Variants in PHEX observed in about 807,000 individuals in gnomAD.
PHEX encodes the protein phosphate regulating endopeptidase X-linked.
A neutral mutation model predicts 68.0 loss-of-function variants in PHEX; 16 were observed. That is an observed-to-expected ratio of 0.24 (90% CI 0.16 to 0.36). The LOEUF (loss-of-function observed/expected upper bound fraction) is 0.36. Among genes scored for constraint, PHEX ranks in the 10% least tolerant of loss-of-function variants. The pLI, the probability that PHEX is intolerant of heterozygous loss-of-function variation, is 1.00. For synonymous variants in PHEX, 208 were observed against 205.1 expected (o/e 1.01, Z -0.12); for missense variants, 480 against 575.5 (o/e 0.83, Z 1.70).
chrX:22,216,089 T>C (rs984609101), intron 16 of PHEX, among the ~76,000 whole-genome samples: 1 of 111,630 alleles, frequency 9.0e-6, no homozygotes, highest in Admixed American at 9.5e-5. Flanking sequence ...GAGCTCTTGG[T>C]CATTGGAAAT....
intron 16 of PHEX, among the ~76,000 whole-genome samples, chrX:22,218,177 G>A (rs1935152890): frequency 9.0e-6 from 1 of 110,945 alleles, no homozygotes; most frequent in South Asian, 3.9e-4. Flanking sequence ...ATTCCCTCTA[G>A]CTGTGTAGTT....
At chrX:22,152,711 G>A (rs1459418327) in intron 12 of PHEX, among the ~76,000 whole-genome samples, 1 of 111,759 alleles carries the variant, frequency 8.9e-6, no homozygotes, top group Non-Finnish European at 1.9e-5. Context: ...TCAGGATAGC[G>A]GTTCTTTTGA....
intron 3 of PHEX, among the ~76,000 whole-genome samples, chrX:22,055,174 CAAAAAAAAAA>C (rs111628195): frequency 1.1e-4 from 7 of 66,089 alleles, no homozygotes; most frequent in East Asian, 5.2e-4. Context: ...GACTCCAGCT[CAAAAAAAAAA>C]AAAAAAAAAA....
chrX:22,245,714 C>T (rs949059533), intron 21 of PHEX, among the ~76,000 whole-genome samples: 10 of 111,701 alleles, frequency 9.0e-5, no homozygotes, highest in East Asian at 5.6e-4. Flanking sequence ...AGAGGTAATT[C>T]GGAATCCGAA....
At chrX:22,102,428 C>A (rs112948288) in intron 9 of PHEX, among the ~76,000 whole-genome samples, 7,054 of 111,997 alleles carry the variant, frequency 0.063, 338 homozygotes, top group African/African-American at 0.16. Flanking sequence ...GCTGAATGGT[C>A]CTCCGTTGTG....
At chrX:22,112,378 C>T (rs1199212374) in intron 10 of PHEX, among the ~76,000 whole-genome samples, 1 of 112,068 alleles carries the variant, frequency 8.9e-6, no homozygotes, top group African/African-American at 3.2e-5. Flanking sequence ...TTATGTCTGA[C>T]TAATTCTCCT....
In PHEX at chrX:22,179,210, C is replaced by T. The variant is rs568777395; in HGVS notation, c.1586+834C>T. On this transcript the variant is annotated intron_variant, in intron 14 of 21. Coordinates refer to ENST00000379374, the MANE Select transcript of PHEX (RefSeq NM_000444.6). Reference sequence around the variant, plus strand: ...GACTGGATTCTGTTCTGCTAAGGCCCACTTCTCCAATGCTTTTTTTTCTCT... The same window carrying T: ...GACTGGATTCTGTTCTGCTAAGGCCTACTTCTCCAATGCTTTTTTTTCTCT... Among the ~76,000 whole-genome samples the T allele has an allele frequency of 2.7e-4, 28 of 101,903 alleles. No individual in the cohort carries two copies. In the South Asian group the frequency reaches 9.9e-3, roughly 36 times the overall value. The allele number at this position is 101,903 out of a possible 115,157, so 88.5% of individuals were successfully genotyped here.
intron 12 of PHEX, among the ~76,000 whole-genome samples, chrX:22,136,314 G>A (rs907756735): frequency 8.9e-6 from 1 of 111,855 alleles, no homozygotes; most frequent in African/African-American, 3.2e-5. Flanking sequence ...TTAGGGTTTT[G>A]TCTTTCTGAT....
rs150724761 is a variant in PHEX at position 22,119,379 on chromosome X, A to C, written c.1302+4793A>C. Reference sequence around the variant, plus strand: ...TAATATTACTTTTGTGGAAAGTTACATGAAAGTGGGACTCCCCTAGAGAAT... The same window carrying C: ...TAATATTACTTTTGTGGAAAGTTACCTGAAAGTGGGACTCCCCTAGAGAAT... On this transcript the variant is annotated intron_variant, in intron 11 of 21. Coordinates refer to ENST00000379374, the MANE Select transcript of PHEX (RefSeq NM_000444.6). Among the ~76,000 whole-genome samples, 426 of 111,150 alleles carry C rather than the reference A, an allele frequency of 3.8e-3. 5 individuals carry two copies. Among genetic ancestry groups the C allele is most frequent in the African/African-American group, 0.013 (406 of 30,587 alleles).
chrX:22,059,415 T>C (rs1928262401), intron 3 of PHEX, among the ~76,000 whole-genome samples: 1 of 112,491 alleles, frequency 8.9e-6, no homozygotes, highest in African/African-American at 3.2e-5. Context: ...TTCAAAATTA[T>C]AGTAGTTGTC....
chrX:22,124,571 G>C (rs1931636208), intron 11 of PHEX, among the ~76,000 whole-genome samples: 1 of 111,989 alleles, frequency 8.9e-6, no homozygotes, highest in South Asian at 3.7e-4. Context: ...TTACTTGCTG[G>C]GGAGAATTTA....
chrX:22,223,577 T>G (rs1178363426), intron 18 of PHEX, among the ~76,000 whole-genome samples: 1 of 111,830 alleles, frequency 8.9e-6, no homozygotes, highest in African/African-American at 3.3e-5. Flanking sequence ...AGACCCTGTC[T>G]CTACAGAAAA....
rs568615417 is a variant in PHEX, at chrX:22,203,826, G to A, written c.1646-9078G>A. On this transcript the variant is annotated intron_variant, in intron 15 of 21. Coordinates refer to ENST00000379374, the MANE Select transcript of PHEX (RefSeq NM_000444.6). ...AAAATTTTAATAAAAGTAATCATAC[G>A]TTACATTGTTACATGCATGGTGTTG... Among the ~76,000 whole-genome samples the A allele has an allele frequency of 7.0e-4, 78 of 111,993 alleles. No homozygotes were observed. In the South Asian group the frequency reaches 0.025, roughly 36 times the overall value.
intron 7 of PHEX, among the ~76,000 whole-genome samples, chrX:22,096,512 G>A (rs1355798269): frequency 8.9e-6 from 1 of 112,271 alleles, no homozygotes; most frequent in Non-Finnish European, 1.9e-5. Context: ...ACGGGGAACA[G>A]TGGCATCCAG....
chrX:22,168,697 G>A (rs1933421138), intron 13 of PHEX, among the ~76,000 whole-genome samples: 1 of 111,919 alleles, frequency 8.9e-6, no homozygotes, highest in Non-Finnish European at 1.9e-5. Context: ...ACAATTAGTG[G>A]GCATGTTCTA....
At chrX:22,075,939 T>G (rs769098555) in intron 3 of PHEX, among the ~76,000 whole-genome samples, 1 of 112,164 alleles carries the variant, frequency 8.9e-6, no homozygotes, top group Admixed American at 9.5e-5. Context: ...TTCTTCCGGG[T>G]GACCTCCTTG....
At chrX:22,094,988 G>A (rs765119209) in intron 7 of PHEX, among the ~76,000 whole-genome samples, 3 of 112,108 alleles carry the variant, frequency 2.7e-5, no homozygotes, top group Admixed American at 9.5e-5. Context: ...AAAGTTTTGC[G>A]TATGTGTTGG....
At chrX:22,082,354 T>A (rs1308122443) in intron 5 of PHEX, among the ~76,000 whole-genome samples, 2 of 112,196 alleles carry the variant, frequency 1.8e-5, no homozygotes, top group African/African-American at 6.5e-5. Context: ...TTTCCTTATA[T>A]CCATGCCAAC....
At chrX:22,206,205 A>C (rs1460699442) in intron 15 of PHEX, among the ~76,000 whole-genome samples, 1 of 112,214 alleles carries the variant, frequency 8.9e-6, no homozygotes, top group Non-Finnish European at 1.9e-5. Context: ...TAGATCTGGT[A>C]CTGAATGTGG....
Sources: gnomAD v4.1 joint callset for allele counts (sites outside exome capture counted in the v4.1 genomes callset) on GRCh38, gnomAD v4.1.1 for gene constraint, MANE v1.5 for transcripts, NCBI Gene and HGNC (gene_info 2026-07-23, HGNC 2026-07-21) for gene names.